GLIS3: variants seen among roughly 807,000 people sequenced by gnomAD.
GLIS3 encodes the protein GLIS family zinc finger 3.
Under a neutral mutation model 78.6 loss-of-function variants are expected in GLIS3, and 53 were observed. The observed-to-expected ratio is 0.67, with a 90% CI of 0.54 to 0.85. The LOEUF (loss-of-function observed/expected upper bound fraction) is 0.85, where lower values mean the gene tolerates loss of function less well. Ranked by LOEUF, GLIS3 falls within the 40% of genes least tolerant of loss-of-function variation. The probability of loss-of-function intolerance (pLI) is 0.00; values close to 1 mark genes in which losing one functional copy is unlikely to be tolerated. For synonymous variants in GLIS3, 684 were observed against 509.9 expected, an observed-to-expected ratio of 1.34 and a Z score of -4.60; for missense variants, 1,703 against 1,231.1, an observed-to-expected ratio of 1.38 and a Z score of -5.74.
At chr9:4,386,133 T>C in the GLIS3 span, among the ~76,000 whole-genome samples, 43 of 152,238 alleles carry the variant, frequency 2.8e-4, no homozygotes, top group Non-Finnish European at 4.3e-4. Context: ...ATGTCCACAG[T>C]AGAAATCAAG....
intron 2 of GLIS3, among the ~76,000 whole-genome samples, chr9:4,317,320 C>A (rs976205365): frequency 6.6e-6 from 1 of 152,120 alleles, no homozygotes; most frequent in Non-Finnish European, 1.5e-5. Context: ...GTGAAATCTT[C>A]CAGAGAGTTT....
chr9:4,147,125 T>C (rs952019493), intron 2 of GLIS3, among the ~76,000 whole-genome samples: 1 of 152,204 alleles, frequency 6.6e-6, no homozygotes, highest in African/African-American at 2.4e-5. Context: ...TTGAACATTA[T>C]GCAGGCAATA....
intron 4 of GLIS3, among the ~76,000 whole-genome samples, chr9:4,093,780 T>A (rs1382194627): frequency 1.3e-5 from 2 of 152,134 alleles, no homozygotes. Flanking sequence ...CTGCTAAATA[T>A]CTATATATAT....
chr9:3,840,141 G>T (rs1818624595), intron 9 of GLIS3, among the ~76,000 whole-genome samples: 1 of 152,156 alleles, frequency 6.6e-6, no homozygotes. Context: ...AAAGCATTTG[G>T]TGCATTCTCT....
In GLIS3 at chr9:3,827,359, C is replaced by T. The variant is rs1259179685; in HGVS notation, c.*913G>A. 6.6e-6 allele frequency: 1 copy of T among 152,190 alleles called. No individual in the cohort carries two copies. The highest frequency in any genetic ancestry group is 1.5e-5 in the Non-Finnish European group (1 of 68,062). 9.4% of individuals were successfully genotyped at this position (152,190 alleles called of 1,614,324 possible). On this transcript the variant is annotated 3_prime_UTR_variant, in exon 11 of 11. Coordinates refer to ENST00000381971, the MANE Select transcript of GLIS3 (RefSeq NM_001042413.2). ...CACCAGAGTGGAGGCAATGGGTAAA[C>T]CAGTCAAACAACATTTTTCTTTGAA...
intron 4 of GLIS3, among the ~76,000 whole-genome samples, chr9:4,048,618 CAA>C (rs796109102): frequency 5.3e-5 from 8 of 152,244 alleles, no homozygotes; most frequent in African/African-American, 1.9e-4. Flanking sequence ...AGCATCTCTT[CAA>C]AGAGAGCACA....
chr9:4,401,279 G>C, the GLIS3 span, among the ~76,000 whole-genome samples: 6 of 152,088 alleles, frequency 3.9e-5, no homozygotes, highest in African/African-American at 9.7e-5. Context: ...TGTTTTTTGA[G>C]ACAGAGTTTC....
At chr9:4,431,844 GA>G in the GLIS3 span, among the ~76,000 whole-genome samples, 16,540 of 72,816 alleles carry the variant, frequency 0.23, 1,062 homozygotes, top group South Asian at 0.33. Context: ...AACTCCATCT[GA>G]AAAAAAAAAA....
chr9:3,867,745 GTGTGTGTGTGAGTGCA>G (rs1820691126), intron 8 of GLIS3, among the ~76,000 whole-genome samples: 1 of 151,630 alleles, frequency 6.6e-6, no homozygotes, highest in Non-Finnish European at 1.5e-5. Context: ...GTGTGTGTGT[GTGTGTGTGTGAGTGCA>G]TGTGTGTATG....
At chr9:4,187,109 C>T (rs576011182) in intron 2 of GLIS3, among the ~76,000 whole-genome samples, 16 of 152,230 alleles carry the variant, frequency 1.1e-4, no homozygotes, top group Non-Finnish European at 1.3e-4. Flanking sequence ...GGTTTTCTTC[C>T]AGGGTTTTTA....
At chr9:4,454,504 G>T in the GLIS3 span, among the ~76,000 whole-genome samples, 1 of 152,178 alleles carries the variant, frequency 6.6e-6, no homozygotes. Context: ...CCAAGTCCAG[G>T]TCCCTTTGCC....
intron 4 of GLIS3, among the ~76,000 whole-genome samples, chr9:4,112,271 C>T (rs504751): frequency 0.23 from 35,622 of 152,012 alleles, 6,023 homozygotes; most frequent in African/African-American, 0.48. Context: ...TATCTTATCT[C>T]GTCTCTGAAT....
At chr9:4,384,628 C>T in the GLIS3 span, among the ~76,000 whole-genome samples, 1 of 151,616 alleles carries the variant, frequency 6.6e-6, no homozygotes, top group Non-Finnish European at 1.5e-5. Flanking sequence ...CCCTGGACAG[C>T]AAGATGCCAC....
At chr9:4,082,322 G>T (rs932520684) in intron 4 of GLIS3, among the ~76,000 whole-genome samples, 1 of 152,154 alleles carries the variant, frequency 6.6e-6, no homozygotes, top group East Asian at 1.9e-4. Flanking sequence ...AACAAAATCT[G>T]TTACACTTCC....
chr9:4,358,537 C>T, the GLIS3 span, among the ~76,000 whole-genome samples: 2 of 152,066 alleles, frequency 1.3e-5, no homozygotes, highest in South Asian at 2.1e-4. Context: ...TGTTCCAGCA[C>T]GTTTCTAGTT....
intron 4 of GLIS3, among the ~76,000 whole-genome samples, chr9:4,087,283 T>G (rs1373276644): frequency 2.0e-5 from 3 of 152,172 alleles, no homozygotes; most frequent in Non-Finnish European, 2.9e-5. Flanking sequence ...TGGATAAACA[T>G]TTATTATTCC....
the GLIS3 span, among the ~76,000 whole-genome samples, chr9:4,471,592 T>A: frequency 6.6e-6 from 1 of 152,140 alleles, no homozygotes; most frequent in African/African-American, 2.4e-5. Context: ...TTACACCCTA[T>A]ACAAAAATTA....
chr9:4,123,576 G>A, intron 3 of GLIS3: 1 of 340,142 alleles, frequency 2.9e-6, no homozygotes, highest in East Asian at 4.4e-5. Flanking sequence ...TCTTTATAAA[G>A]TGGAATCCTG....
chr9:4,147,896 G>A (rs1834354208), intron 2 of GLIS3, among the ~76,000 whole-genome samples: 1 of 152,062 alleles, frequency 6.6e-6, no homozygotes, highest in Non-Finnish European at 1.5e-5. Flanking sequence ...AAACCCTGCA[G>A]AAGACATCCA....
Sources: gnomAD v4.1 joint callset for allele counts (sites outside exome capture counted in the v4.1 genomes callset) on GRCh38, gnomAD v4.1.1 for gene constraint, MANE v1.5 for transcripts, NCBI Gene and HGNC (gene_info 2026-07-23, HGNC 2026-07-21) for gene names.